GFPT1: variants seen among roughly 807,000 people sequenced by gnomAD.
GFPT1 encodes the protein glutamine--fructose-6-phosphate aminotransferase [isomerizing] 1.
Under a neutral mutation model 92.0 loss-of-function variants are expected in GFPT1, and 40 were observed. The ratio of observed to expected loss-of-function variants is 0.43; its 90% CI spans 0.34 to 0.57. The LOEUF (loss-of-function observed/expected upper bound fraction) is 0.57. GFPT1 is among the 20% of genes least tolerant of loss of function. The pLI is 0.02. For synonymous variants in GFPT1, 269 were observed against 280.6 expected (o/e 0.96, Z 0.41); for missense variants, 448 against 869.1 (o/e 0.52, Z 6.09).
rs1322504137 is a variant in GFPT1 at position 69,356,422 on chromosome 2, G to GTATAGTC, written c.605+67_605+73dup. On this transcript the variant is annotated intron_variant, in intron 7 of 19. Coordinates refer to ENST00000357308, the MANE Select transcript of GFPT1 (RefSeq NM_001244710.2). ...CAGAGCCTTTATAATAAAGGGTCAT[G>GTATAGTC]TATAGTCTACGAAGAATAAACATGT... The GTATAGTC allele has an allele frequency of 6.5e-5, 65 of 1,006,472 alleles. No homozygotes were observed. In the East Asian group the frequency reaches 1.4e-3, roughly 22 times the overall value. 62.3% of individuals were successfully genotyped at this position (1,006,472 alleles called of 1,614,324 possible). A position where few individuals can be genotyped will look rare whatever the true frequency, so the allele number is the denominator to read the frequency against.
At chr2:69,343,579 T>A (rs1671008587) in intron 12 of GFPT1, among the ~76,000 whole-genome samples, 1 of 151,892 alleles carries the variant, frequency 6.6e-6, no homozygotes, top group Admixed American at 6.6e-5. Flanking sequence ...GCCCAGCTAA[T>A]TTTTTTCTAT....
rs1670522349 is a variant in GFPT1, at chr2:69,326,071, A to G, written c.*118T>C. 1.5e-6 allele frequency: 1 copy of G among 673,554 alleles called. No homozygotes were observed. The highest frequency in any genetic ancestry group is 2.6e-6 in the Non-Finnish European group (1 of 380,316). 41.7% of individuals were successfully genotyped at this position (673,554 alleles called of 1,614,324 possible). On this transcript the variant is annotated 3_prime_UTR_variant, in exon 20 of 20. Coordinates refer to ENST00000357308, the MANE Select transcript of GFPT1 (RefSeq NM_001244710.2). ...GTGGAATAATTATAACTGATATATAAATAAGGATTTACTAAAAAAAGGCTT... is the reference window on the plus strand; with the variant it reads ...GTGGAATAATTATAACTGATATATAGATAAGGATTTACTAAAAAAAGGCTT...
At position 69,360,446 on chromosome 2, in the gene GFPT1, T is replaced by A. The variant is rs1165730385; in HGVS notation, c.350-1120A>T. Among the ~76,000 whole-genome samples, 4 of 151,422 alleles carry A rather than the reference T, an allele frequency of 2.6e-5. 1 individual carries two copies. The highest frequency in any genetic ancestry group is 9.7e-5 in the African/African-American group (4 of 41,224). On this transcript the variant is annotated intron_variant, in intron 4 of 19. Coordinates refer to ENST00000357308, the MANE Select transcript of GFPT1 (RefSeq NM_001244710.2). ...TTTATATGAAATTATCAAAATATTT[T>A]TTTTTTTTTTGGAGACACGATGTTG... is the stretch of plus-strand genomic sequence containing the variant.
chr2:69,340,909 T>C (rs1431842808), intron 13 of GFPT1, among the ~76,000 whole-genome samples: 1 of 152,184 alleles, frequency 6.6e-6, no homozygotes, highest in Non-Finnish European at 1.5e-5. Flanking sequence ...CATTCAGTAA[T>C]AGATCTAAGC....
chr2:69,368,559 C>G (rs189745428), intron 3 of GFPT1, among the ~76,000 whole-genome samples: 1 of 152,238 alleles, frequency 6.6e-6, no homozygotes, highest in Admixed American at 6.5e-5. Flanking sequence ...GAAACCCCAT[C>G]TCTACCAAAA....
intron 6 of GFPT1, among the ~76,000 whole-genome samples, chr2:69,356,943 G>C (rs1345040511): frequency 6.6e-6 from 1 of 152,098 alleles, no homozygotes; most frequent in Admixed American, 6.6e-5. Flanking sequence ...ATGTTGGCCA[G>C]GATGGTCTCC....
intron 11 of GFPT1, 45 bp downstream of exon 11, chr2:69,348,126 C>A (rs1170524473): frequency 2.8e-6 from 4 of 1,438,690 alleles, no homozygotes; most frequent in Non-Finnish European, 3.9e-6. Flanking sequence ...AGAATATATT[C>A]TTTCCAGTAA....
chr2:69,335,608 T>C (rs1185476873), intron 15 of GFPT1, among the ~76,000 whole-genome samples: 2 of 152,196 alleles, frequency 1.3e-5, no homozygotes. Context: ...GGCTGGTCAT[T>C]TATTCAGCCA....
chr2:69,329,226 TGTAAAA>T, intron 17 of GFPT1, 65 bp downstream of exon 17: 1 of 1,409,382 alleles, frequency 7.1e-7, no homozygotes, highest in East Asian at 2.3e-5. Context: ...ATTCATTTAA[TGTAAAA>T]GTATGACTAT....
chr2:69,349,346 C>T (rs1222951834), intron 10 of GFPT1, among the ~76,000 whole-genome samples: 2 of 152,194 alleles, frequency 1.3e-5, no homozygotes, highest in Non-Finnish European at 2.9e-5. Flanking sequence ...TAACTGTCAA[C>T]TGTGTAATCT....
At chr2:69,366,478 T>C (rs1341458649) in intron 3 of GFPT1, among the ~76,000 whole-genome samples, 7 of 152,184 alleles carry the variant, frequency 4.6e-5, no homozygotes, top group Non-Finnish European at 4.4e-5. Flanking sequence ...TGCCAAGCAA[T>C]ACTGAAGAAA....
At chr2:69,363,463 T>C in intron 4 of GFPT1, 82 bp downstream of exon 4, 1 of 1,371,112 alleles carries the variant, frequency 7.3e-7, no homozygotes, top group Non-Finnish European at 1.0e-6. Context: ...ATTATTAAAA[T>C]AATGAAAATC....
chr2:69,328,528 C>T (rs1670584785), intron 17 of GFPT1, 90 bp from the exon 18 acceptor site: 1 of 885,230 alleles, frequency 1.1e-6, no homozygotes, highest in African/African-American at 1.7e-5. Flanking sequence ...ATATGTCAAG[C>T]CACTGTCTAT....
chr2:69,323,431 C>T lies in GFPT1; in HGVS notation c.*2758G>A, dbSNP rs772432908. Reference sequence around the variant, plus strand: ...CTCTTTTGTGTTAAGAATTAACTTACAAAAGCATTTAAAAATCACTACATC... The same window carrying T: ...CTCTTTTGTGTTAAGAATTAACTTATAAAAGCATTTAAAAATCACTACATC... On this transcript the variant is annotated 3_prime_UTR_variant, in exon 20 of 20. Transcript: ENST00000357308. The T allele has an allele frequency of 1.2e-4, 19 of 152,110 alleles. No individual in the cohort carries two copies. Among genetic ancestry groups the T allele is most frequent in the Non-Finnish European group, 2.2e-4 (15 of 68,034 alleles). The allele number at this position is 152,110 out of a possible 1,614,324, so 9.4% of individuals were successfully genotyped here. A position where few individuals can be genotyped will look rare whatever the true frequency, so the allele number is the denominator to read the frequency against.
rs118161305 is a variant in GFPT1, at chr2:69,354,845, C to T, written c.606-277G>A. ...CACTCTGGGAAACATGGCAAAACCC[C>T]GTCTCCTAATTAGCCAGGTGTGATG... On this transcript the variant is annotated intron_variant, in intron 7 of 19. Transcript: ENST00000357308. Among the ~76,000 whole-genome samples, 129 of 152,200 alleles carry T rather than the reference C, an allele frequency of 8.5e-4. 1 individual carries two copies. The East Asian group carries it at 0.023, about 27-fold the overall frequency.
At chr2:69,345,077 T>C (rs1346351903) in intron 12 of GFPT1, among the ~76,000 whole-genome samples, 1 of 152,126 alleles carries the variant, frequency 6.6e-6, no homozygotes, top group Non-Finnish European at 1.5e-5. Context: ...TCAACCATCT[T>C]CAACAACCAC....
At chr2:69,366,264 AG>A (rs1671608403) in intron 3 of GFPT1, among the ~76,000 whole-genome samples, 1 of 152,232 alleles carries the variant, frequency 6.6e-6, no homozygotes, top group Non-Finnish European at 1.5e-5. Context: ...CTGTTGCTGT[AG>A]GAACATTACC....
intron 15 of GFPT1, among the ~76,000 whole-genome samples, chr2:69,335,061 T>TA (rs1186849491): frequency 6.6e-6 from 1 of 152,058 alleles, no homozygotes; most frequent in Non-Finnish European, 1.5e-5. Context: ...AGCTAGAGTG[T>TA]AGTGGTGTGA....
chr2:69,345,727 T>G (rs2104630721), intron 12 of GFPT1, among the ~76,000 whole-genome samples, 177 bp downstream of exon 12: 1 of 152,338 alleles, frequency 6.6e-6, no homozygotes, highest in South Asian at 2.1e-4. Context: ...ATTCTAGATA[T>G]CTTATATAGG....
Sources: gnomAD v4.1 joint callset for allele counts (sites outside exome capture counted in the v4.1 genomes callset) on GRCh38, gnomAD v4.1.1 for gene constraint, MANE v1.5 for transcripts, NCBI Gene and HGNC (gene_info 2026-07-23, HGNC 2026-07-21) for gene names.